The following ASIC2 variants were observed in gnomAD, a reference collection of about 807,000 sequenced individuals.
The protein encoded by ASIC2 is acid sensing ion channel subunit 2.
A neutral mutation model predicts 57.3 loss-of-function variants in ASIC2; 25 were observed. The ratio of observed to expected loss-of-function variants is 0.44; its 90% CI spans 0.32 to 0.61. ASIC2 has a LOEUF of 0.61. Among genes scored for constraint, ASIC2 ranks in the 20% least tolerant of loss-of-function variants. ASIC2 has a pLI of 0.06. For synonymous variants in ASIC2, 319 were observed against 307.5 expected (o/e 1.04, Z -0.39); for missense variants, 641 against 738.1 (o/e 0.87, Z 1.52).
rs181197082 is a variant in ASIC2, at chr17:33,958,277, G to A, written c.555+197701C>T. Among the ~76,000 whole-genome samples, 43 of 152,288 alleles carry A rather than the reference G, an allele frequency of 2.8e-4. No homozygotes were observed. The East Asian group carries it at 6.6e-3, about 23-fold the overall frequency. ...GGAGGGGTCTGGGGTCTGGAGGATC[G>A]TGGTCCTCTTCTCACAGCTCCACTA... On this transcript the variant is annotated intron_variant, in intron 1 of 9. Coordinates refer to the ASIC2 transcript ENST00000359872.
chr17:33,718,282 G>A (rs146805474), intron 1 of ASIC2, among the ~76,000 whole-genome samples: 2 of 152,068 alleles, frequency 1.3e-5, no homozygotes, highest in Admixed American at 6.5e-5. Flanking sequence ...CTGATCCAAG[G>A]TTAGTTGAAT....
At chr17:34,076,540 T>C (rs780562162) in intron 1 of ASIC2, among the ~76,000 whole-genome samples, 9 of 152,160 alleles carry the variant, frequency 5.9e-5, no homozygotes, top group Non-Finnish European at 1.0e-4. Flanking sequence ...AAAAAGTATA[T>C]CCCAGGTGCT....
chr17:33,700,668 G>A (rs1908669368), intron 1 of ASIC2, among the ~76,000 whole-genome samples: 1 of 152,222 alleles, frequency 6.6e-6, no homozygotes, highest in African/African-American at 2.4e-5. Context: ...ATAGATGTTA[G>A]CTATTATTCA....
intron 1 of ASIC2, among the ~76,000 whole-genome samples, chr17:33,482,211 T>G (rs2141927742): frequency 6.6e-6 from 1 of 152,342 alleles, no homozygotes; most frequent in Non-Finnish European, 1.5e-5. Flanking sequence ...ATGTGGTTGT[T>G]GAGACTCAGC....
At chr17:33,158,396 C>T (rs1486643553) in intron 1 of ASIC2, among the ~76,000 whole-genome samples, 2 of 152,134 alleles carry the variant, frequency 1.3e-5, no homozygotes, top group African/African-American at 4.8e-5. Flanking sequence ...GAGAGGTGTT[C>T]CCAGTGGGCT....
chr17:34,130,446 C>T (rs1911917990), intron 1 of ASIC2, among the ~76,000 whole-genome samples: 1 of 152,192 alleles, frequency 6.6e-6, no homozygotes, highest in Non-Finnish European at 1.5e-5. Context: ...AACACAGAAC[C>T]TATATCTAAC....
At chr17:33,794,053 G>T (rs927622909) in intron 1 of ASIC2, 1 of 152,140 alleles carries the variant, frequency 6.6e-6, no homozygotes, top group Non-Finnish European at 1.5e-5. Context: ...GGAAAATTAG[G>T]CTAAGAGAGA....
chr17:33,997,861 T>G (rs1045862266), intron 1 of ASIC2, among the ~76,000 whole-genome samples: 1 of 152,188 alleles, frequency 6.6e-6, no homozygotes, highest in Non-Finnish European at 1.5e-5. Context: ...TTGTTTGGCT[T>G]TGGTATCTGG....
At chr17:33,428,174 C>T (rs34332591) in intron 1 of ASIC2, among the ~76,000 whole-genome samples, 1,701 of 152,230 alleles carry the variant, frequency 0.011, 35 homozygotes, top group African/African-American at 0.039. Flanking sequence ...ACAACACATA[C>T]GTTTTGTTTT....
In ASIC2 at chr17:34,020,828, G is replaced by A. The variant is rs372727968; in HGVS notation, c.555+135150C>T. Among the ~76,000 whole-genome samples, 372 of 152,274 alleles carry A rather than the reference G, an allele frequency of 2.4e-3. 1 individual carries two copies. Among genetic ancestry groups the A allele is most frequent in the Non-Finnish European group, 4.1e-3 (281 of 68,032 alleles). On this transcript the variant is annotated intron_variant, in intron 1 of 9. Transcript: ENST00000359872. Reference sequence around the variant, plus strand: ...CCTGAAACCCTTACTGGAGGAGCTGGTGGAGCTCATCCAGACTTCTGACCT... The same window carrying A: ...CCTGAAACCCTTACTGGAGGAGCTGATGGAGCTCATCCAGACTTCTGACCT...
chr17:33,596,040 A>G (rs1044094190), intron 1 of ASIC2, among the ~76,000 whole-genome samples: 2 of 152,066 alleles, frequency 1.3e-5, no homozygotes, highest in African/African-American at 4.8e-5. Flanking sequence ...ATTAAGCTGC[A>G]TTCCTCTAAT....
chr17:34,002,187 C>A (rs1282164680), intron 1 of ASIC2: 1 of 152,224 alleles, frequency 6.6e-6, no homozygotes, highest in East Asian at 1.9e-4. Flanking sequence ...TAGGACTCTA[C>A]AAACCACATT....
intron 1 of ASIC2, among the ~76,000 whole-genome samples, chr17:33,824,423 T>TTATAATTTTAAAATTATATACATATA (rs1184954423): frequency 2.6e-5 from 4 of 151,754 alleles, no homozygotes; most frequent in Non-Finnish European, 5.9e-5. Flanking sequence ...ATTTATACTT[T>TTATAATTTTAAAATTATATACATATA]TATAATTTTA....
At chr17:34,023,656 G>T (rs538266412) in intron 1 of ASIC2, among the ~76,000 whole-genome samples, 1 of 152,120 alleles carries the variant, frequency 6.6e-6, no homozygotes, top group Non-Finnish European at 1.5e-5. Context: ...GAGGACCTCC[G>T]GAGGTGCAGC....
chr17:33,838,322 A>G (rs760332772), intron 1 of ASIC2, among the ~76,000 whole-genome samples: 8 of 152,182 alleles, frequency 5.3e-5, no homozygotes, highest in Non-Finnish European at 8.8e-5. Context: ...GCCATTAAGT[A>G]TCCCCAGTGT....
At chr17:33,552,003 C>T (rs981569616) in intron 1 of ASIC2, among the ~76,000 whole-genome samples, 34 of 152,226 alleles carry the variant, frequency 2.2e-4, no homozygotes, top group African/African-American at 7.9e-4. Flanking sequence ...TAATTGGGGG[C>T]CTGAGAACCA....
At chr17:33,892,440 T>C (rs966507260) in intron 1 of ASIC2, among the ~76,000 whole-genome samples, 7 of 152,140 alleles carry the variant, frequency 4.6e-5, no homozygotes, top group Non-Finnish European at 8.8e-5. Flanking sequence ...GTTGGAAGAA[T>C]ATTTACGCCC....
In ASIC2 at chr17:33,346,208, CAGAG is replaced by C. The variant is rs1209605195; in HGVS notation, c.556-234145_556-234142del. On this transcript the variant is annotated intron_variant, in intron 1 of 9. Transcript: ENST00000359872. ...TGCCACTGCACTCCAGCCTGGGTGA[CAGAG>C]AGAGATTCCCTCTCAAAAAAAAAAA... Among the ~76,000 whole-genome samples, 6 of 105,706 alleles carry C rather than the reference CAGAG, an allele frequency of 5.7e-5. No homozygotes were observed. In the East Asian group the frequency reaches 1.6e-3, roughly 28 times the overall value. The allele number at this position is 105,706 out of a possible 152,430, so 69.3% of individuals were successfully genotyped here. A position where few individuals can be genotyped will look rare whatever the true frequency, so the allele number is the denominator to read the frequency against.
chr17:33,464,530 T>TTC (rs1365847590), intron 1 of ASIC2, among the ~76,000 whole-genome samples: 3,408 of 42,362 alleles, frequency 0.08, 56 homozygotes, highest in Non-Finnish European at 0.092. Context: ...CTTTCTTTCT[T>TTC]TCTTTCTTTC....
Sources: allele counts gnomAD v4.1 joint callset (sites outside exome capture counted in the v4.1 genomes callset), GRCh38; gene constraint gnomAD v4.1.1; transcripts MANE v1.5; gene names NCBI Gene and HGNC (gene_info 2026-07-23, HGNC 2026-07-21).